KCNH5: variants seen among roughly 807,000 people sequenced by gnomAD.
KCNH5 encodes voltage-gated delayed rectifier potassium channel KCNH5.
In KCNH5, 46 loss-of-function variants were observed where a neutral mutation model predicts 96.1. The observed-to-expected ratio is 0.48, with a 90% CI of 0.38 to 0.61. The LOEUF is 0.61. Among genes scored for constraint, KCNH5 ranks in the 20% least tolerant of loss-of-function variants. The pLI is 0.00. For missense variants in KCNH5, 907 were observed against 1,225.8 expected (o/e 0.74, Z 3.88); for synonymous variants, 439 against 449.8 (o/e 0.98, Z 0.30).
intron 8 of KCNH5, among the ~76,000 whole-genome samples, chr14:62,808,573 A>C (rs1229807157): frequency 6.6e-6 from 1 of 152,118 alleles, no homozygotes; most frequent in East Asian, 1.9e-4. Context: ...ATAAAGGTGA[A>C]GTTTGGCTTA....
intron 7 of KCNH5, among the ~76,000 whole-genome samples, chr14:62,885,686 G>A (rs1316398747): frequency 6.6e-6 from 1 of 152,180 alleles, no homozygotes; most frequent in Non-Finnish European, 1.5e-5. Flanking sequence ...GGGAGTTCGA[G>A]TTCAGCAGAG....
intron 7 of KCNH5, among the ~76,000 whole-genome samples, chr14:62,934,424 T>C (rs1889639999): frequency 6.6e-6 from 1 of 152,182 alleles, no homozygotes; most frequent in Admixed American, 6.6e-5. Flanking sequence ...ATGCTGCCCA[T>C]AGTACAGACA....
intron 7 of KCNH5, among the ~76,000 whole-genome samples, chr14:62,883,295 C>T (rs916798356): frequency 2.6e-5 from 4 of 152,186 alleles, no homozygotes; most frequent in African/African-American, 4.8e-5. Flanking sequence ...AAAAATTTAG[C>T]AGTCCTGTTT....
chr14:62,948,063 T>A (rs2140128680), intron 7 of KCNH5, among the ~76,000 whole-genome samples: 1 of 150,440 alleles, frequency 6.6e-6, no homozygotes, highest in South Asian at 2.1e-4. Flanking sequence ...CACCTATGAG[T>A]GAGAATATGC....
At chr14:62,926,417 C>T (rs115687602) in intron 7 of KCNH5, among the ~76,000 whole-genome samples, 1,712 of 152,224 alleles carry the variant, frequency 0.011, 46 homozygotes, top group African/African-American at 0.038. Flanking sequence ...TGCACACACA[C>T]GCACACACAC....
intron 7 of KCNH5, among the ~76,000 whole-genome samples, chr14:62,881,133 C>G (rs1888483430): frequency 6.6e-6 from 1 of 152,212 alleles, no homozygotes; most frequent in Admixed American, 6.5e-5. Context: ...GGCCACATAA[C>G]AGACCACATT....
chr14:62,718,787 C>CA (rs1301650474), intron 10 of KCNH5, among the ~76,000 whole-genome samples: 4 of 152,058 alleles, frequency 2.6e-5, no homozygotes, highest in African/African-American at 9.7e-5. Context: ...TTATGATAGC[C>CA]AAAAAGTAGA....
At position 62,709,232 on chromosome 14, in the gene KCNH5, C is replaced by CAAAA. The variant is rs67304113; in HGVS notation, c.2020-781_2020-778dup. Among the ~76,000 whole-genome samples, 23 of 71,564 alleles carry CAAAA rather than the reference C, an allele frequency of 3.2e-4. 1 individual carries two copies. Among genetic ancestry groups the CAAAA allele is most frequent in the African/African-American group, 8.1e-4 (16 of 19,714 alleles). The allele number at this position is 71,564 out of a possible 152,430, so 46.9% of individuals were successfully genotyped here. ...TGGGCGACAGAACGAGACTCCTTCT[C>CAAAA]AAAAAAAAAAAAAAAAAAAAAAAAA... On this transcript the variant is annotated intron_variant, in intron 10 of 10. Transcript: ENST00000322893.
chr14:62,867,009 T>C (rs1013191502), intron 7 of KCNH5, among the ~76,000 whole-genome samples: 1 of 152,082 alleles, frequency 6.6e-6, no homozygotes. Context: ...TTCTGTAGGG[T>C]AAATGTGGAT....
At chr14:62,712,550 C>A in intron 10 of KCNH5, 1 of 677,064 alleles carries the variant, frequency 1.5e-6, no homozygotes, top group East Asian at 2.7e-5. Context: ...GGTCAGATTC[C>A]AAACAGTCTT....
intron 7 of KCNH5, among the ~76,000 whole-genome samples, chr14:62,917,649 T>C (rs1306762821): frequency 2.6e-5 from 4 of 152,226 alleles, no homozygotes; most frequent in Admixed American, 1.3e-4. Flanking sequence ...TCATTCAATA[T>C]GCCTGGCTGC....
chr14:63,003,483 T>A (rs1311138832), intron 3 of KCNH5, among the ~76,000 whole-genome samples: 2 of 127,068 alleles, frequency 1.6e-5, no homozygotes, highest in South Asian at 2.3e-4. Context: ...TATATATATT[T>A]TATATATATT....
At chr14:62,815,568 T>A (rs141488709) in intron 8 of KCNH5, among the ~76,000 whole-genome samples, 336 of 152,182 alleles carry the variant, frequency 2.2e-3, no homozygotes, top group African/African-American at 7.7e-3. Context: ...ATTATTTCAT[T>A]TTACATATAT....
intron 7 of KCNH5, among the ~76,000 whole-genome samples, chr14:62,914,089 A>G (rs1049366556): frequency 6.6e-6 from 1 of 152,232 alleles, no homozygotes; most frequent in African/African-American, 2.4e-5. Context: ...CTTTCTTAAA[A>G]TTGAAAAATA....
rs1884373721 is a variant in KCNH5 at position 62,703,194 on chromosome 14, G to A, written c.*4314C>T. The A allele has an allele frequency of 6.6e-6, 1 of 151,762 alleles. No homozygotes were observed. The highest frequency in any genetic ancestry group is 1.5e-5 in the Non-Finnish European group (1 of 67,750). 9.4% of individuals were successfully genotyped at this position (151,762 alleles called of 1,614,324 possible). A position where few individuals can be genotyped will look rare whatever the true frequency, so the allele number is the denominator to read the frequency against. On this transcript the variant is annotated 3_prime_UTR_variant, in exon 11 of 11. Transcript: ENST00000322893. ...TTTGTAGTTCTAAATTCCCACATAA[G>A]TATGAAGTTTTATGCTTACCTGCCA...
At chr14:62,883,757 CAAT>C (rs539787143) in intron 7 of KCNH5, among the ~76,000 whole-genome samples, 1 of 151,266 alleles carries the variant, frequency 6.6e-6, no homozygotes, top group Admixed American at 6.6e-5. Flanking sequence ...ATATGTAGTA[CAAT>C]AATAATAATA....
chr14:62,907,324 A>C (rs1889049228), intron 7 of KCNH5, among the ~76,000 whole-genome samples: 1 of 152,218 alleles, frequency 6.6e-6, no homozygotes, highest in Non-Finnish European at 1.5e-5. Context: ...GGGAAGCAAG[A>C]TAGATCTAGC....
At chr14:63,006,604 C>G in intron 2 of KCNH5, 132 bp from the exon 3 acceptor site, 1 of 592,956 alleles carries the variant, frequency 1.7e-6, no homozygotes, top group South Asian at 2.1e-5. Flanking sequence ...ACAGAATAGT[C>G]AAATCATGAG....
Position 62,739,349 on chromosome 14 carries a change from A to T in KCNH5, c.2020-30894T>A, listed in dbSNP as rs555216295. ...ATGTGAAAATATTTAGATCTTATTT[A>T]AAAAGTTCAGTAGATTTATTTGAAG... On this transcript the variant is annotated intron_variant, in intron 10 of 10. Transcript: ENST00000322893. 9.2e-5 allele frequency among the ~76,000 whole-genome samples: 14 copies of T among 152,318 alleles called. No homozygotes were observed. The South Asian group carries it at 2.7e-3, about 29-fold the overall frequency.
Sources: allele counts gnomAD v4.1 joint callset (sites outside exome capture counted in the v4.1 genomes callset), GRCh38; gene constraint gnomAD v4.1.1; transcripts MANE v1.5; gene names NCBI Gene and HGNC (gene_info 2026-07-23, HGNC 2026-07-21).